The following TRMT13 variants were observed in gnomAD, a reference collection of about 807,000 sequenced individuals.
The protein encoded by TRMT13 is tRNA methyltransferase 13, also known as tRNA:m(4)X modification enzyme TRM13 homolog.
Under a neutral mutation model 55.9 loss-of-function variants are expected in TRMT13, and 45 were observed. The ratio of observed to expected loss-of-function variants is 0.80; its 90% CI spans 0.63 to 1.03. The LOEUF (loss-of-function observed/expected upper bound fraction) is 1.03, where lower values mean the gene tolerates loss of function less well. Among genes scored for constraint, TRMT13 ranks in the 50% least tolerant of loss-of-function variants. The probability of loss-of-function intolerance (pLI) is 0.00; values close to 1 mark genes in which losing one functional copy is unlikely to be tolerated. For missense variants in TRMT13, 513 were observed against 563.9 expected, an observed-to-expected ratio of 0.91 and a Z score of 0.91; for synonymous variants, 183 against 196.3, an observed-to-expected ratio of 0.93 and a Z score of 0.57.
intron 4 of TRMT13, 93 bp downstream of exon 4, chr1:100,139,804 C>G: frequency 3.6e-6 from 3 of 830,892 alleles, no homozygotes; most frequent in Non-Finnish European, 5.6e-6. Context: ...TGTCTCAAGT[C>G]TGTTTTTAAT....
rs1657695529 is a variant in TRMT13 at position 100,149,187 on chromosome 1, A to G, written c.*367A>G. The stretch of plus-strand genomic sequence containing the variant: ...TTATCTTCCTTTGATTTTATTTAAT[A>G]TTTTTTATTTCTTAAGTTCAAGAGG... On this transcript the variant is annotated 3_prime_UTR_variant, in exon 11 of 11. Coordinates refer to ENST00000370141, the MANE Select transcript of TRMT13 (RefSeq NM_019083.3). 1 of 1,516,586 alleles carries G rather than the reference A, an allele frequency of 6.6e-7. No individual in the cohort carries two copies. The highest frequency in any genetic ancestry group is 8.8e-7 in the Non-Finnish European group (1 of 1,137,758). The allele number at this position is 1,516,586 out of a possible 1,614,324, so 93.9% of individuals were successfully genotyped here.
intron 9 of TRMT13, among the ~76,000 whole-genome samples, chr1:100,145,935 C>T (rs891311431): frequency 8.5e-5 from 13 of 152,196 alleles, no homozygotes; most frequent in South Asian, 2.1e-4. Context: ...TTAAACTCTT[C>T]GGTACTTCCT....
At chr1:100,140,649 G>A in intron 6 of TRMT13, 135 bp downstream of exon 6, 1 of 858,976 alleles carries the variant, frequency 1.2e-6, no homozygotes, top group Non-Finnish European at 1.8e-6. Flanking sequence ...AAAATATATA[G>A]AAACATATAC....
intron 9 of TRMT13, 63 bp from the exon 10 acceptor site, chr1:100,147,831 T>C (rs904542089): frequency 4.8e-6 from 7 of 1,464,256 alleles, no homozygotes; most frequent in Non-Finnish European, 6.4e-6. Context: ...GCTTAATAAA[T>C]GTAAAAAGTA....
intron 10 of TRMT13, 66 bp from the exon 11 acceptor site, chr1:100,148,558 CA>C (rs1304994063): frequency 7.0e-6 from 10 of 1,430,264 alleles, no homozygotes; most frequent in African/African-American, 1.5e-5. Flanking sequence ...TAAATAGTGA[CA>C]AAAATAATTT....
At chr1:100,134,628 A>G (rs1655554657) in intron 1 of TRMT13, among the ~76,000 whole-genome samples, 1 of 152,354 alleles carries the variant, frequency 6.6e-6, no homozygotes, top group South Asian at 2.1e-4. Flanking sequence ...AATTATGCCC[A>G]TAGTCTATTG....
chr1:100,144,367 C>A, intron 9 of TRMT13: 1 of 425,404 alleles, frequency 2.4e-6, no homozygotes. Flanking sequence ...GTAAATACTG[C>A]ATCACATTAG....
chr1:100,148,572 T>A (rs1657594405), intron 10 of TRMT13, 53 bp from the exon 11 acceptor site: 3 of 1,504,038 alleles, frequency 2.0e-6, no homozygotes, highest in Non-Finnish European at 2.7e-6. Context: ...AATAATTTTT[T>A]ATAAACTTTT....
At chr1:100,137,110 A>G in intron 3 of TRMT13, 25 bp downstream of exon 3, 1 of 1,581,870 alleles carries the variant, frequency 6.3e-7, no homozygotes, top group Non-Finnish European at 8.6e-7. Flanking sequence ...AGTAAAATTG[A>G]ATGGTGAAAT....
In TRMT13 at chr1:100,133,327, C is replaced by T. The variant is rs149937321; in HGVS notation, c.147+12C>T. On this transcript the variant is annotated intron_variant, in intron 1 of 10. Coordinates refer to ENST00000370141, the MANE Select transcript of TRMT13 (RefSeq NM_019083.3). Reference sequence around the variant, plus strand: ...CTGGAGCCGCGGAGGTGTGGTATCGCCCTACTCTCTCAAGAGTCGGAAATA... The same window carrying T: ...CTGGAGCCGCGGAGGTGTGGTATCGTCCTACTCTCTCAAGAGTCGGAAATA... 110 of 1,613,354 alleles carry T rather than the reference C, an allele frequency of 6.8e-5. No individual in the cohort carries two copies. The Admixed American group carries it at 7.9e-4, about 12-fold the overall frequency.
rs761156113 is a variant in TRMT13 at position 100,133,221 on chromosome 1, G to T, written c.53G>T (p.Arg18Ile). The T allele has an allele frequency of 1.9e-6, 3 of 1,614,244 alleles. No individual in the cohort carries two copies. ...GCGCCTGGTTTTCCAGCTGAGGGTAGATGCGGTTACTATGTGGAAAAGAAG... is the reference window on the plus strand; with the variant it reads ...GCGCCTGGTTTTCCAGCTGAGGGTATATGCGGTTACTATGTGGAAAAGAAG... ...PHAPGFPAEG[R>I]CGYYVEKKKR... The change falls in exon 1 of 11, where the codon AGA becomes ATA. Residue 18 changes from arginine (R) to isoleucine (I), a missense_variant. By Grantham distance (97) the Arg-to-Ile change is moderately conservative. This residue lies in a region of TRMT13 where 298 missense variants were observed against 290.3 expected (regional missense o/e 1.03). Coordinates refer to ENST00000370141, the MANE Select transcript of TRMT13 (RefSeq NM_019083.3).
rs968763566 is a variant in TRMT13 at position 100,139,677 on chromosome 1, G to A, written c.290G>A (p.Gly97Asp). 1.9e-6 allele frequency: 3 copies of A among 1,541,882 alleles called. No individual in the cohort carries two copies. The highest frequency in any genetic ancestry group is 1.8e-6 in the Non-Finnish European group (2 of 1,118,234). Residue 97 changes from glycine (G) to aspartate (D), a missense_variant, in exon 4 of 11, where the codon GGC (glycine) becomes GAC (aspartate). Around this residue, in one of 3 missense-constraint regions of TRMT13, gnomAD observed 298 missense variants for 290.3 expected, o/e 1.03. Coordinates refer to ENST00000370141, the MANE Select transcript of TRMT13 (RefSeq NM_019083.3). ...PDFYIQDINAGLRDETEIPEQ... is the reference protein window; with the variant it reads ...PDFYIQDINADLRDETEIPEQ... ...TTCTATATTCAAGATATTAATGCAG[G>A]CTTAAGAGATGAAACAGAAATACCT... is the stretch of plus-strand genomic sequence containing the variant.
At chr1:100,136,242 A>C (rs138789525) in intron 1 of TRMT13, among the ~76,000 whole-genome samples, 4 of 152,330 alleles carry the variant, frequency 2.6e-5, no homozygotes, top group African/African-American at 9.6e-5. Context: ...GCCATGTTCC[A>C]TTGTTTCTAA....
chr1:100,147,550 T>A (rs1394964799), intron 9 of TRMT13, among the ~76,000 whole-genome samples: 1 of 152,196 alleles, frequency 6.6e-6, no homozygotes, highest in East Asian at 1.9e-4. Flanking sequence ...TGTAGGTGAA[T>A]AAAGTTTTCC....
At chr1:100,144,234 T>TA (rs1656964541) in intron 9 of TRMT13, 91 bp downstream of exon 9, 2 of 869,216 alleles carry the variant, frequency 2.3e-6, no homozygotes, top group East Asian at 5.2e-5. Flanking sequence ...TTTGAATAGA[T>TA]ATCTTATGTT....
intron 1 of TRMT13, among the ~76,000 whole-genome samples, chr1:100,134,817 T>G (rs1277519729): frequency 6.6e-6 from 1 of 152,234 alleles, no homozygotes; most frequent in African/African-American, 2.4e-5. Context: ...CGACATATTG[T>G]CATTAGACAC....
At chr1:100,140,673 C>A in intron 6 of TRMT13, 159 bp downstream of exon 6, 1 of 832,872 alleles carries the variant, frequency 1.2e-6, no homozygotes, top group Non-Finnish European at 1.9e-6. Flanking sequence ...AAATTGAGGG[C>A]ATGGATGTGA....
chr1:100,148,900 C>CT lies in TRMT13; in HGVS notation c.*83dup. 9.0e-7 allele frequency: 1 copy of CT among 1,111,526 alleles called. No individual in the cohort carries two copies. Among genetic ancestry groups the CT allele is most frequent in the South Asian group, 3.0e-5 (1 of 32,826 alleles). 68.9% of individuals were successfully genotyped at this position (1,111,526 alleles called of 1,614,324 possible). A position where few individuals can be genotyped will look rare whatever the true frequency, so the allele number is the denominator to read the frequency against. ...TATTTTTATATCAAAAAAATATATA[C>CT]TTTAAATAGCAAATAATATGAACTT... On this transcript the variant is annotated 3_prime_UTR_variant, in exon 11 of 11. Coordinates refer to ENST00000370141, the MANE Select transcript of TRMT13 (RefSeq NM_019083.3).
At chr1:100,140,362 A>G (rs199548690) in intron 5 of TRMT13, 46 bp from the exon 6 acceptor site, 4 of 1,577,660 alleles carry the variant, frequency 2.5e-6, no homozygotes, top group East Asian at 4.5e-5. Flanking sequence ...GAATCCTACA[A>G]TTACATGTTT....
Sources: allele counts gnomAD v4.1 joint callset (sites outside exome capture counted in the v4.1 genomes callset), GRCh38; gene constraint gnomAD v4.1.1; regional missense constraint gnomAD v4.1.1; transcripts MANE v1.5; gene names NCBI Gene and HGNC (gene_info 2026-07-23, HGNC 2026-07-21).